PTGS1: variants seen among roughly 807,000 people sequenced by gnomAD.
The protein encoded by PTGS1 is prostaglandin G/H synthase 1.
PTGS1 carries 40 observed loss-of-function variants against 63.0 expected under a neutral mutation model. The observed-to-expected ratio is 0.63, with a 90% CI of 0.49 to 0.83. The LOEUF (loss-of-function observed/expected upper bound fraction) is 0.83, where lower values mean the gene tolerates loss of function less well. Among genes scored for constraint, PTGS1 ranks in the 40% least tolerant of loss-of-function variants. PTGS1 has a pLI of 0.00. For missense variants in PTGS1, 709 were observed against 786.5 expected, an observed-to-expected ratio of 0.90 and a Z score of 1.18; for synonymous variants, 298 against 301.9, an observed-to-expected ratio of 0.99 and a Z score of 0.13.
chr9:122,383,747 T>A lies in PTGS1; in HGVS notation c.1001T>A (p.Ile334Asn). The stretch of plus-strand genomic sequence containing the variant: ...CAGCTTTTCCAGACGACCCGCCTCA[T>A]CCTCATAGGTGAGGACTCCAGACCT... ...DEQLFQTTRL[I>N]LIGETIKIVI... The change falls in exon 8 of 11, where the codon ATC becomes AAC. Residue 334 changes from isoleucine (I) to asparagine (N), a missense_variant. Ile to Asn is a moderately radical substitution (Grantham distance 149). Coordinates refer to ENST00000362012, the MANE Select transcript of PTGS1 (RefSeq NM_000962.4). The A allele has an allele frequency of 6.2e-7, 1 of 1,610,178 alleles. No homozygotes were observed. The highest frequency in any genetic ancestry group is 8.5e-7 in the Non-Finnish European group (1 of 1,179,854).
At position 122,381,471 on chromosome 9, in the gene PTGS1, C is replaced by G. The variant is rs754062599; in HGVS notation, c.597C>G (p.Phe199Leu). The change falls in exon 6 of 11, where the codon TTC becomes TTG. Residue 199 changes from phenylalanine to leucine, a missense_variant. Transcript: ENST00000362012. The part of the protein sequence containing the change: ...DPQGTNLMFA[F>L]FAQHFTHQFF... The stretch of plus-strand genomic sequence containing the variant: ...AAGGCACCAACCTCATGTTTGCCTT[C>G]TTTGCACAACACTTCACCCACCAGT... 1 of 1,614,234 alleles carries G rather than the reference C, an allele frequency of 6.2e-7. No homozygotes were observed. Among genetic ancestry groups the G allele is most frequent in the Non-Finnish European group, 8.5e-7 (1 of 1,180,026 alleles).
At chr9:122,372,323 C>T (rs1452789281) in intron 2 of PTGS1, among the ~76,000 whole-genome samples, 1 of 151,980 alleles carries the variant, frequency 6.6e-6, no homozygotes, top group African/African-American at 2.4e-5. Context: ...GGGTGGGTGG[C>T]ATTTAGGGGA....
rs769143923 is a variant in PTGS1 at position 122,386,742 on chromosome 9, A to G, written c.1296+10A>G. The G allele has an allele frequency of 3.7e-6, 6 of 1,612,992 alleles. No homozygotes were observed. The Admixed American group carries it at 1.0e-4, about 27-fold the overall frequency. ...CCAGATTGCTGGCCGGGTAAGCCCC[A>G]GAGGAGTGCTGGTGAGGGCAGGTGG... is the stretch of plus-strand genomic sequence containing the variant. On this transcript the variant is annotated intron_variant, in intron 9 of 10. Transcript: ENST00000362012.
chr9:122,380,902 G>C (rs1399568778), intron 5 of PTGS1, among the ~76,000 whole-genome samples: 1 of 152,222 alleles, frequency 6.6e-6, no homozygotes, highest in Non-Finnish European at 1.5e-5. Context: ...AAATAGCATA[G>C]TCAGTTGCAA....
chr9:122,373,448 G>T (rs1454543420), intron 2 of PTGS1, among the ~76,000 whole-genome samples: 1 of 152,200 alleles, frequency 6.6e-6, no homozygotes, highest in Admixed American at 6.5e-5. Flanking sequence ...CGGAGGGAGA[G>T]AATGCTGCTT....
chr9:122,372,273 A>G (rs897820397), intron 2 of PTGS1, among the ~76,000 whole-genome samples: 2 of 152,066 alleles, frequency 1.3e-5, no homozygotes, highest in African/African-American at 4.8e-5. Flanking sequence ...AGATATGTAC[A>G]TGGATTTTGG....
In PTGS1 at chr9:122,392,434, A is replaced by G; in HGVS notation, c.1690A>G (p.Lys564Glu). ...TAACATTGTCAAGACGGCCACACTG[A>G]AGAAGCTGGTCTGCCTCAACACCAA... Reference protein sequence around the residue: ...GFNIVKTATLKKLVCLNTKTC... With the variant: ...GFNIVKTATLEKLVCLNTKTC... Residue 564 changes from lysine to glutamate, a missense_variant, in exon 11 of 11, where the codon AAG becomes GAG. By Grantham distance (56) the Lys-to-Glu change is moderately conservative. Coordinates refer to ENST00000362012, the MANE Select transcript of PTGS1 (RefSeq NM_000962.4). 6.2e-7 allele frequency: 1 copy of G among 1,614,134 alleles called. No homozygotes were observed. The highest frequency in any genetic ancestry group is 8.5e-7 in the Non-Finnish European group (1 of 1,180,016).
intron 3 of PTGS1, 32 bp from the exon 4 acceptor site, chr9:122,378,401 G>A (rs751673596): frequency 2.5e-6 from 4 of 1,610,770 alleles, no homozygotes; most frequent in Admixed American, 1.7e-5. Flanking sequence ...TGGTAGGAGG[G>A]ACCAACTGAG....
intron 2 of PTGS1, among the ~76,000 whole-genome samples, chr9:122,373,150 C>T (rs892594393): frequency 3.3e-5 from 5 of 152,300 alleles, no homozygotes; most frequent in African/African-American, 9.6e-5. Context: ...GACCAGGAAA[C>T]ACCGTAAGGG....
chr9:122,390,465 A>G, intron 10 of PTGS1, 120 bp downstream of exon 10: 1 of 1,195,280 alleles, frequency 8.4e-7, no homozygotes, highest in South Asian at 1.6e-5. Flanking sequence ...CCAGACTTAT[A>G]ATGGGCGTGG....
chr9:122,383,473 C>G (rs1291163916), intron 7 of PTGS1, 36 bp from the exon 8 acceptor site: 3 of 1,568,462 alleles, frequency 1.9e-6, no homozygotes, highest in Non-Finnish European at 1.7e-6. Context: ...GTGGGTGACC[C>G]CCAACCCCAG....
chr9:122,371,079 C>G lies in PTGS1; in HGVS notation c.-6C>G. On this transcript the variant is annotated 5_prime_UTR_variant, in exon 1 of 11. Transcript: ENST00000362012. Reference sequence around the variant, plus strand: ...ACTCTGCGTCCCGCACCCCAGCAGCCGCGCCATGAGCCGTGAGTGCGACCC... The same window carrying G: ...ACTCTGCGTCCCGCACCCCAGCAGCGGCGCCATGAGCCGTGAGTGCGACCC... The G allele has an allele frequency of 1.3e-6, 2 of 1,598,460 alleles. No homozygotes were observed. The highest frequency in any genetic ancestry group is 1.7e-6 in the Non-Finnish European group (2 of 1,178,430).
chr9:122,375,457 C>T lies in PTGS1; in HGVS notation c.95-2442C>T, dbSNP rs1229742225. The T allele has an allele frequency of 3.0e-6, 3 of 985,384 alleles. No individual in the cohort carries two copies. In the African/African-American group the frequency reaches 5.2e-5, roughly 17 times the overall value. The allele number at this position is 985,384 out of a possible 1,614,324, so 61.0% of individuals were successfully genotyped here. A position where few individuals can be genotyped will look rare whatever the true frequency, so the allele number is the denominator to read the frequency against. Reference sequence around the variant, plus strand: ...GGTCAGGCTGGAGGTGACCAATCTCCTCACTTCATTTTATTTATTCCACAA... The same window carrying T: ...GGTCAGGCTGGAGGTGACCAATCTCTTCACTTCATTTTATTTATTCCACAA... On this transcript the variant is annotated intron_variant, in intron 2 of 10. Transcript: ENST00000362012.
intron 8 of PTGS1, among the ~76,000 whole-genome samples, chr9:122,384,188 C>T (rs1206142087): frequency 6.6e-6 from 1 of 152,146 alleles, no homozygotes; most frequent in Non-Finnish European, 1.5e-5. Flanking sequence ...CCCTTCCCTG[C>T]ATGTATCTAC....
rs774361014 is a variant in PTGS1, at chr9:122,371,089, G to T, written c.5G>T (p.Ser2Ile). 1.7e-5 allele frequency: 28 copies of T among 1,600,910 alleles called. No homozygotes were observed. In the East Asian group the frequency reaches 6.0e-4, roughly 34 times the overall value. Residue 2 changes from serine to isoleucine, a missense_variant and splice_region_variant, in exon 1 of 11, where the codon AGC becomes ATC. Transcript: ENST00000362012. ...CCGCACCCCAGCAGCCGCGCCATGAGCCGTGAGTGCGACCCCGGTGCCCGG... is the reference window on the plus strand; with the variant it reads ...CCGCACCCCAGCAGCCGCGCCATGATCCGTGAGTGCGACCCCGGTGCCCGG... The part of the protein sequence containing the change: M[S>I]RSLLLWFLLF...
chr9:122,395,669 G>A lies in PTGS1; in HGVS notation c.*3125G>A, dbSNP rs1838535919. The A allele has an allele frequency of 6.6e-6, 1 of 152,042 alleles. No homozygotes were observed. The highest frequency in any genetic ancestry group is 2.4e-5 in the African/African-American group (1 of 41,392). The allele number at this position is 152,042 out of a possible 1,614,324, so 9.4% of individuals were successfully genotyped here. A position where few individuals can be genotyped will look rare whatever the true frequency, so the allele number is the denominator to read the frequency against. On this transcript the variant is annotated 3_prime_UTR_variant, in exon 11 of 11. Coordinates refer to ENST00000362012, the MANE Select transcript of PTGS1 (RefSeq NM_000962.4). Reference sequence around the variant, plus strand: ...AGTTTGCCAACCCCAACAATTGTGTGAATTAATTTCTAAAAATAAAGCTAT... The same window carrying A: ...AGTTTGCCAACCCCAACAATTGTGTAAATTAATTTCTAAAAATAAAGCTAT...
Position 122,371,065 on chromosome 9 carries a change from C to G in PTGS1, c.-20C>G, listed in dbSNP as rs1468241860. ...GCACAGGAGCCTGCACTCTGCGTCC[C>G]GCACCCCAGCAGCCGCGCCATGAGC... On this transcript the variant is annotated 5_prime_UTR_variant, in exon 1 of 11. Coordinates refer to ENST00000362012, the MANE Select transcript of PTGS1 (RefSeq NM_000962.4). 1 of 1,592,020 alleles carries G rather than the reference C, an allele frequency of 6.3e-7. No individual in the cohort carries two copies. The highest frequency in any genetic ancestry group is 1.1e-5 in the South Asian group (1 of 90,034).
At chr9:122,383,436 G>A (rs1837658726) in intron 7 of PTGS1, 73 bp from the exon 8 acceptor site, 6 of 1,535,546 alleles carry the variant, frequency 3.9e-6, no homozygotes, top group Non-Finnish European at 5.3e-6. Flanking sequence ...GGAGGCAGGA[G>A]TGGGAGGGAG....
At chr9:122,390,380 T>G (rs372102009) in intron 10 of PTGS1, 35 bp downstream of exon 10, 36 of 1,606,034 alleles carry the variant, frequency 2.2e-5, no homozygotes, top group Non-Finnish European at 3.0e-5. Flanking sequence ...GTCCCTGCCC[T>G]TGAGGGACTG....
Sources: gnomAD v4.1 joint callset for allele counts (sites outside exome capture counted in the v4.1 genomes callset) on GRCh38, gnomAD v4.1.1 for gene constraint, MANE v1.5 for transcripts, NCBI Gene and HGNC (gene_info 2026-07-23, HGNC 2026-07-21) for gene names.